Variants in KIAA1217 observed in about 807,000 individuals in gnomAD.
The protein encoded by KIAA1217 is sickle tail protein homolog.
KIAA1217 carries 88 observed loss-of-function variants against 163.9 expected under a neutral mutation model. The ratio of observed to expected loss-of-function variants is 0.54; its 90% confidence interval spans 0.45 to 0.64. The LOEUF (loss-of-function observed/expected upper bound fraction) is 0.64. KIAA1217 is among the 30% of genes least tolerant of loss of function. The pLI, the probability that KIAA1217 is intolerant of heterozygous loss-of-function variation, is 0.00. For missense variants in KIAA1217, 2,372 were observed against 2,475.0 expected, an observed-to-expected ratio of 0.96 and a Z score of 0.88; for synonymous variants, 903 against 923.1, an observed-to-expected ratio of 0.98 and a Z score of 0.39.
At chr10:24,006,522 G>A (rs972425632) in intron 1 of KIAA1217, among the ~76,000 whole-genome samples, 31 of 152,144 alleles carry the variant, frequency 2.0e-4, no homozygotes, top group Non-Finnish European at 1.5e-4. Context: ...ACCAAGTGCA[G>A]GGGGAGGTTG....
intron 2 of KIAA1217, among the ~76,000 whole-genome samples, chr10:24,352,328 C>A (rs931198513): frequency 1.3e-5 from 2 of 152,174 alleles, no homozygotes; most frequent in African/African-American, 4.8e-5. Flanking sequence ...AAATGTTTCA[C>A]ATGGAATAAT....
rs111710454 is a variant in KIAA1217, at chr10:23,837,468, A to G, written c.-321+142234A>G. On this transcript the variant is annotated intron_variant, in intron 1 of 18. Transcript: ENST00000376462. The stretch of plus-strand genomic sequence containing the variant: ...TTCCAGAGCCATGCACCCCAAGGAC[A>G]TTCTTTGGTTTTCACTCAGAACTGT... Among the ~76,000 whole-genome samples, 736 of 152,284 alleles carry G rather than the reference A, an allele frequency of 4.8e-3. 10 individuals are homozygous for G. The highest frequency in any genetic ancestry group is 0.016 in the African/African-American group (664 of 41,568).
chr10:23,696,710 C>T (rs544438353), intron 1 of KIAA1217, among the ~76,000 whole-genome samples: 1 of 152,266 alleles, frequency 6.6e-6, no homozygotes, highest in African/African-American at 2.4e-5. Flanking sequence ...GCAGGTGCTA[C>T]CTGGTTTTAA....
chr10:23,948,670 T>C (rs1304736893), intron 1 of KIAA1217, among the ~76,000 whole-genome samples: 1 of 151,544 alleles, frequency 6.6e-6, no homozygotes, highest in African/African-American at 2.4e-5. Flanking sequence ...TTAGTTTTGT[T>C]TGGTTTTGGT....
At chr10:23,715,406 T>C (rs1837502524) in intron 1 of KIAA1217, among the ~76,000 whole-genome samples, 1 of 152,188 alleles carries the variant, frequency 6.6e-6, no homozygotes, top group Admixed American at 6.5e-5. Flanking sequence ...ATTCCAGTTA[T>C]GCGTATTAGA....
At chr10:24,402,013 T>C (rs901129139) in intron 3 of KIAA1217, among the ~76,000 whole-genome samples, 3 of 152,228 alleles carry the variant, frequency 2.0e-5, no homozygotes, top group Non-Finnish European at 4.4e-5. Context: ...ATGATCTGTA[T>C]GTTGAAAATT....
chr10:24,418,295 C>G (rs1045110303), intron 3 of KIAA1217, among the ~76,000 whole-genome samples: 1 of 152,050 alleles, frequency 6.6e-6, no homozygotes, highest in East Asian at 1.9e-4. Context: ...AGTAGTTTAT[C>G]CTGGAAATTC....
chr10:23,895,428 CA>C lies in KIAA1217; in HGVS notation c.-320-111793del, dbSNP rs1409546798. On this transcript the variant is annotated intron_variant, in intron 1 of 18. Coordinates refer to the KIAA1217 transcript ENST00000376462. ...CACTGGCCATCACAGAAATGCAAAT[CA>C]AAACCACAATGAGATACCATCTCAC... 8.5e-5 allele frequency among the ~76,000 whole-genome samples: 13 copies of C among 152,210 alleles called. No homozygotes were observed. The East Asian group carries it at 2.5e-3, about 29-fold the overall frequency.
intron 2 of KIAA1217, among the ~76,000 whole-genome samples, chr10:24,352,291 G>A (rs1488551857): frequency 1.3e-5 from 2 of 152,220 alleles, no homozygotes; most frequent in Non-Finnish European, 2.9e-5. Flanking sequence ...ATCCTTTAAA[G>A]AGTCCATTGG....
intron 2 of KIAA1217, among the ~76,000 whole-genome samples, chr10:24,370,264 C>CAA (rs5783891): frequency 7.4e-4 from 54 of 73,074 alleles, no homozygotes; most frequent in Admixed American, 1.2e-3. Context: ...GACTCTGTCT[C>CAA]AAAAAAAAAA....
intron 6 of KIAA1217, chr10:24,481,742 G>A (rs1022038298): frequency 1.3e-5 from 2 of 152,170 alleles, no homozygotes; most frequent in African/African-American, 2.4e-5. Flanking sequence ...TTCCAAAGAA[G>A]TGATACAGAC....
At chr10:23,797,220 A>T (rs530054272) in intron 1 of KIAA1217, among the ~76,000 whole-genome samples, 1 of 152,256 alleles carries the variant, frequency 6.6e-6, no homozygotes, top group East Asian at 1.9e-4. Flanking sequence ...CTGAGTGGAC[A>T]GGAGAGTGTT....
At chr10:24,212,771 C>T (rs1433754592) in intron 1 of KIAA1217, among the ~76,000 whole-genome samples, 2 of 152,138 alleles carry the variant, frequency 1.3e-5, no homozygotes, top group African/African-American at 4.8e-5. Flanking sequence ...TACCCAATGA[C>T]AATGTGATAT....
At chr10:23,757,429 T>A (rs1165816654) in intron 1 of KIAA1217, among the ~76,000 whole-genome samples, 1 of 152,212 alleles carries the variant, frequency 6.6e-6, no homozygotes, top group Non-Finnish European at 1.5e-5. Context: ...ATAGCAGCCA[T>A]CCTTATGGGT....
At chr10:24,283,571 C>T (rs998577362) in intron 2 of KIAA1217, among the ~76,000 whole-genome samples, 21 of 152,028 alleles carry the variant, frequency 1.4e-4, no homozygotes, top group Non-Finnish European at 2.8e-4. Flanking sequence ...GGAGGCCGAG[C>T]ATGAGAATCA....
At position 24,393,256 on chromosome 10, in the gene KIAA1217, G is replaced by A. The variant is rs180903991; in HGVS notation, c.553+12189G>A. 5.3e-5 allele frequency among the ~76,000 whole-genome samples: 8 copies of A among 152,270 alleles called. No individual in the cohort carries two copies. In the East Asian group the frequency reaches 7.7e-4, roughly 15 times the overall value. On this transcript the variant is annotated intron_variant, in intron 3 of 20. Transcript: ENST00000376454. ...AGTCGAGGAACATGGGAAGGTACAC[G>A]TTCTGCATTGCTGGAGGGTAGATTA...
chr10:24,272,770 A>G (rs2131999884), intron 2 of KIAA1217, among the ~76,000 whole-genome samples: 1 of 152,360 alleles, frequency 6.6e-6, no homozygotes, highest in East Asian at 1.9e-4. Context: ...CCTGTGAAAT[A>G]AATCATATTC....
chr10:23,944,982 C>T (rs1051587379), intron 1 of KIAA1217, among the ~76,000 whole-genome samples: 1 of 150,954 alleles, frequency 6.6e-6, no homozygotes, highest in Non-Finnish European at 1.5e-5. Flanking sequence ...TCGCTGGAAC[C>T]TGGGAGGCGG....
At position 23,698,786 on chromosome 10, in the gene KIAA1217, A is replaced by AT. The variant is rs879270835; in HGVS notation, c.-321+3561dup. The stretch of plus-strand genomic sequence containing the variant: ...GGCAGTCTAACGGATCGGCTATCCT[A>AT]TTTTTTTTTCCTTTTTGAGACAGGG... On this transcript the variant is annotated intron_variant, in intron 1 of 18. Coordinates refer to the KIAA1217 transcript ENST00000376462. Among the ~76,000 whole-genome samples, 370 of 151,078 alleles carry AT rather than the reference A, an allele frequency of 2.4e-3. 1 individual carries two copies. Among genetic ancestry groups the AT allele is most frequent in the Middle Eastern group, 3.4e-3 (1 of 292 alleles).
Sources: allele counts gnomAD v4.1 joint callset (sites outside exome capture counted in the v4.1 genomes callset), GRCh38; gene constraint gnomAD v4.1.1; transcripts MANE v1.5; gene names NCBI Gene and HGNC (gene_info 2026-07-23, HGNC 2026-07-21).